Variants in DNAJC10 observed in about 807,000 individuals in gnomAD.
The protein encoded by DNAJC10 is endoplasmic reticulum disulfide reductase DNAJC10.
In DNAJC10, 101 loss-of-function variants were observed where a neutral mutation model predicts 115.0. The observed-to-expected ratio is 0.88, with a 90% CI of 0.75 to 1.04. The LOEUF (loss-of-function observed/expected upper bound fraction) is 1.04, where lower values mean the gene tolerates loss of function less well. DNAJC10 is among the 50% of genes least tolerant of loss of function. The pLI is 0.00. For missense variants in DNAJC10, 981 were observed against 928.8 expected (o/e 1.06, Z -0.73); for synonymous variants, 307 against 301.5 (o/e 1.02, Z -0.19).
intron 14 of DNAJC10, among the ~76,000 whole-genome samples, chr2:182,746,085 G>A (rs1291262496): frequency 1.3e-5 from 2 of 152,148 alleles, no homozygotes; most frequent in African/African-American, 4.8e-5. Flanking sequence ...TTTTATGGCT[G>A]CATAGTATTC....
intron 5 of DNAJC10, among the ~76,000 whole-genome samples, chr2:182,723,145 T>A (rs1016890052): frequency 2.0e-5 from 3 of 148,530 alleles, no homozygotes; most frequent in African/African-American, 7.5e-5. Context: ...GTTCAAGCGA[T>A]TCTCCTGCCT....
chr2:182,738,310 G>A (rs950321225), intron 11 of DNAJC10, among the ~76,000 whole-genome samples: 13 of 152,098 alleles, frequency 8.5e-5, no homozygotes, highest in Admixed American at 2.0e-4. Context: ...ATTGCCCTCC[G>A]GAAAAGTTGT....
At chr2:182,723,935 ATT>A (rs1180804124) in intron 5 of DNAJC10, among the ~76,000 whole-genome samples, 1 of 152,196 alleles carries the variant, frequency 6.6e-6, no homozygotes, top group Admixed American at 6.5e-5. Flanking sequence ...GAGCAGGAGC[ATT>A]GTTGTGATAG....
intron 14 of DNAJC10, among the ~76,000 whole-genome samples, chr2:182,747,525 CTGTT>C (rs1285132951): frequency 3.3e-5 from 5 of 151,074 alleles, no homozygotes; most frequent in Admixed American, 2.6e-4. Context: ...TGATTTGGCT[CTGTT>C]TGTCTGTTGT....
intron 12 of DNAJC10, among the ~76,000 whole-genome samples, chr2:182,740,853 GTT>G (rs2105645222): frequency 1.3e-5 from 2 of 152,128 alleles, no homozygotes; most frequent in African/African-American, 4.8e-5. Context: ...AAAAACCACA[GTT>G]ACTTTTGCAC....
At position 182,722,030 on chromosome 2, in the gene DNAJC10, T is replaced by G. The variant is rs764406415; in HGVS notation, c.373T>G (p.Tyr125Asp). ...TTATATACTTTTAAAATTAGGTATT[T>G]ATGATGATGATCCTGAAATCATAAC... ...WNYYRYDFGI[Y>D]DDDPEIITLE... The change falls in exon 5 of 24, where the codon TAT (tyrosine) becomes GAT (aspartate). Residue 125 changes from tyrosine (Y) to aspartate (D), a missense_variant. Coordinates refer to ENST00000264065, the MANE Select transcript of DNAJC10 (RefSeq NM_018981.4). 7 of 1,530,088 alleles carry G rather than the reference T, an allele frequency of 4.6e-6. No homozygotes were observed. The highest frequency in any genetic ancestry group is 1.9e-5 in the Admixed American group (1 of 51,526). 94.8% of individuals were successfully genotyped at this position (1,530,088 alleles called of 1,614,324 possible).
chr2:182,728,459 C>A, intron 5 of DNAJC10, 117 bp from the exon 6 acceptor site: 1 of 602,462 alleles, frequency 1.7e-6, no homozygotes, highest in Non-Finnish European at 2.8e-6. Flanking sequence ...ATGAGAAAGA[C>A]AATATGAAAA....
rs1354300213 is a variant in DNAJC10, at chr2:182,779,204, T to G, written c.*2072T>G. The G allele has an allele frequency of 6.6e-6, 1 of 152,190 alleles. No individual in the cohort carries two copies. The highest frequency in any genetic ancestry group is 1.5e-5 in the Non-Finnish European group (1 of 68,038). The allele number at this position is 152,190 out of a possible 1,614,324, so 9.4% of individuals were successfully genotyped here. On this transcript the variant is annotated 3_prime_UTR_variant, in exon 24 of 24. Coordinates refer to ENST00000264065, the MANE Select transcript of DNAJC10 (RefSeq NM_018981.4). ...AACACGTATCATAAAGTGACATACATCAAGGTTATCTTATATAGTCATAAC... is the reference window on the plus strand; with the variant it reads ...AACACGTATCATAAAGTGACATACAGCAAGGTTATCTTATATAGTCATAAC...
At chr2:182,775,143 T>G (rs1694672466) in intron 22 of DNAJC10, among the ~76,000 whole-genome samples, 173 bp from the exon 23 acceptor site, 1 of 152,014 alleles carries the variant, frequency 6.6e-6, no homozygotes, top group Non-Finnish European at 1.5e-5. Context: ...TTTAGGTACA[T>G]TATGGGTTAA....
intron 22 of DNAJC10, among the ~76,000 whole-genome samples, chr2:182,774,820 C>A (rs1694661105): frequency 6.6e-6 from 1 of 150,994 alleles, no homozygotes; most frequent in African/African-American, 2.4e-5. Context: ...AGACAACACC[C>A]CCCCCAATCC....
chr2:182,718,248 T>G lies in DNAJC10; in HGVS notation c.162T>G (p.Ala54=). The G allele has an allele frequency of 1.2e-6, 2 of 1,611,920 alleles. No individual in the cohort carries two copies. Among genetic ancestry groups the G allele is most frequent in the Non-Finnish European group, 1.7e-6 (2 of 1,179,402 alleles). ...KTASSREIRQ[A]FKKLALKLHP... is the part of the protein sequence containing the mutation. ...CAAGCAGTAGAGAAATAAGACAAGC[T>G]TTCAAGAAATTGGCATTGAAGTTAC... Residue 54 remains alanine (A), a synonymous_variant, in exon 3 of 24, where the codon GCT becomes GCG. Coordinates refer to ENST00000264065, the MANE Select transcript of DNAJC10 (RefSeq NM_018981.4).
At position 182,780,643 on chromosome 2, in the gene DNAJC10, T is replaced by G. The variant is rs1268377065; in HGVS notation, c.*3511T>G. On this transcript the variant is annotated 3_prime_UTR_variant, in exon 24 of 24. Transcript: ENST00000264065. Reference sequence around the variant, plus strand: ...GACCAAGCTGAGTATAAATTACTAATCATACACAAAAATGTGTTTCACTGG... The same window carrying G: ...GACCAAGCTGAGTATAAATTACTAAGCATACACAAAAATGTGTTTCACTGG... 2 of 152,198 alleles carry G rather than the reference T, an allele frequency of 1.3e-5. No individual in the cohort carries two copies. The highest frequency in any genetic ancestry group is 2.9e-5 in the Non-Finnish European group (2 of 68,038). 9.4% of individuals were successfully genotyped at this position (152,198 alleles called of 1,614,324 possible).
rs182412137 is a variant in DNAJC10 at position 182,729,950 on chromosome 2, A to G, written c.727+9A>G. On this transcript the variant is annotated intron_variant, in intron 8 of 23. Transcript: ENST00000264065. ...GACAGAACTTTGGACAGGTAATTTTATTTTCTTAATTTGCTTGATTTTCAG... is the reference window on the plus strand; with the variant it reads ...GACAGAACTTTGGACAGGTAATTTTGTTTTCTTAATTTGCTTGATTTTCAG... 15 of 1,548,608 alleles carry G rather than the reference A, an allele frequency of 9.7e-6. No individual in the cohort carries two copies. The Admixed American group carries it at 2.6e-4, about 27-fold the overall frequency.
chr2:182,719,600 T>A (rs12618007), intron 3 of DNAJC10, among the ~76,000 whole-genome samples: 1 of 152,058 alleles, frequency 6.6e-6, no homozygotes, highest in Admixed American at 6.5e-5. Flanking sequence ...CTTTTTTAAT[T>A]AAGTTGATTT....
intron 8 of DNAJC10, 85 bp downstream of exon 8, chr2:182,730,026 T>A (rs568147630): frequency 3.6e-4 from 308 of 858,348 alleles, no homozygotes; most frequent in Middle Eastern, 3.5e-3. Context: ...AACATTTTGG[T>A]CATGGTATTG....
At chr2:182,756,544 G>A in intron 18 of DNAJC10, 75 bp downstream of exon 18, 1 of 1,396,202 alleles carries the variant, frequency 7.2e-7, no homozygotes, top group Non-Finnish European at 9.8e-7. Context: ...TTTTGAAACG[G>A]ATGTGAATGA....
At position 182,751,678 on chromosome 2, in the gene DNAJC10, A is replaced by G. The variant is rs749273525; in HGVS notation, c.1327A>G (p.Ile443Val). The G allele has an allele frequency of 3.1e-6, 5 of 1,613,782 alleles. No individual in the cohort carries two copies. Among genetic ancestry groups the G allele is most frequent in the Non-Finnish European group, 4.2e-6 (5 of 1,179,886 alleles). The change falls in exon 15 of 24, where the codon ATA becomes GTA. Residue 443 changes from isoleucine to valine, a missense_variant. By Grantham distance (29) the Ile-to-Val change is conservative. Transcript: ENST00000264065. Reference sequence around the variant, plus strand: ...GAAAGGAAAGAAGATTCTATATGATATACTTGCCTTTGCCAAAGAAAGTGT... The same window carrying G: ...GAAAGGAAAGAAGATTCTATATGATGTACTTGCCTTTGCCAAAGAAAGTGT... Reference protein sequence around the residue: ...IHHGKKILYDILAFAKESVNS... With the variant: ...IHHGKKILYDVLAFAKESVNS...
Position 182,780,289 on chromosome 2 carries a change from G to A in DNAJC10, c.*3157G>A, listed in dbSNP as rs1694815880. 1 of 152,126 alleles carries A rather than the reference G, an allele frequency of 6.6e-6. No homozygotes were observed. The highest frequency in any genetic ancestry group is 1.5e-5 in the Non-Finnish European group (1 of 68,044). The allele number at this position is 152,126 out of a possible 1,614,324, so 9.4% of individuals were successfully genotyped here. A position where few individuals can be genotyped will look rare whatever the true frequency, so the allele number is the denominator to read the frequency against. On this transcript the variant is annotated 3_prime_UTR_variant, in exon 24 of 24. Coordinates refer to ENST00000264065, the MANE Select transcript of DNAJC10 (RefSeq NM_018981.4). ...GCTGATCCCTCATAAATGGCTTTGT[G>A]CCTTCCCCAGTGGTAATGAGTTCCT...
At chr2:182,728,680 A>T (rs548090700) in intron 6 of DNAJC10, 22 bp downstream of exon 6, 1 of 1,589,460 alleles carries the variant, frequency 6.3e-7, no homozygotes. Flanking sequence ...TCACATCCTC[A>T]TTACTAGTTT....
Sources: allele counts gnomAD v4.1 joint callset (sites outside exome capture counted in the v4.1 genomes callset), GRCh38; gene constraint gnomAD v4.1.1; transcripts MANE v1.5; gene names NCBI Gene and HGNC (gene_info 2026-07-23, HGNC 2026-07-21).